ATAD5: variants seen among roughly 807,000 people sequenced by gnomAD.
ATAD5 encodes the protein ATPase family AAA domain containing 5.
Under a neutral mutation model 176.9 loss-of-function variants are expected in ATAD5, and 58 were observed. The ratio of observed to expected loss-of-function variants is 0.33; its 90% confidence interval spans 0.27 to 0.41. The LOEUF is 0.41. Among genes scored for constraint, ATAD5 ranks in the 10% least tolerant of loss-of-function variants. ATAD5 has a pLI of 1.00. For synonymous variants in ATAD5, 640 were observed against 712.6 expected, an observed-to-expected ratio of 0.90 and a Z score of 1.62; for missense variants, 1,789 against 2,094.1, an observed-to-expected ratio of 0.85 and a Z score of 2.84.
intron 18 of ATAD5, among the ~76,000 whole-genome samples, chr17:30,881,466 A>AT (rs903441533): frequency 6.6e-5 from 10 of 151,730 alleles, no homozygotes; most frequent in Non-Finnish European, 1.0e-4. Context: ...CGCCTGGCTT[A>AT]TTTTTTTTGT....
chr17:30,866,082 CCTT>C (rs1354155964), intron 11 of ATAD5, among the ~76,000 whole-genome samples: 1 of 151,478 alleles, frequency 6.6e-6, no homozygotes, highest in African/African-American at 2.4e-5. Context: ...GGTCCCCAGT[CCTT>C]CATCTTCAAT....
chr17:30,889,735 G>A (rs901885386), intron 19 of ATAD5, among the ~76,000 whole-genome samples: 19 of 151,582 alleles, frequency 1.3e-4, no homozygotes, highest in African/African-American at 2.7e-4. Flanking sequence ...CCATAGTCAC[G>A]GTTTTGTAGT....
intron 18 of ATAD5, among the ~76,000 whole-genome samples, chr17:30,882,099 A>G (rs1282822177): frequency 1.3e-5 from 2 of 152,032 alleles, no homozygotes; most frequent in Non-Finnish European, 2.9e-5. Flanking sequence ...TCTACTAAAA[A>G]TACAAAATTA....
At position 30,855,751 on chromosome 17, in the gene ATAD5, C is replaced by T. The variant is rs557124677; in HGVS notation, c.2635+424C>T. On this transcript the variant is annotated intron_variant, in intron 7 of 22. Transcript: ENST00000321990. ...GTGTATGCCTGTAGTCCCAGCTACT[C>T]GGGAGGCTGAGGTGGGAGGATCACT... Among the ~76,000 whole-genome samples the T allele has an allele frequency of 5.1e-4, 77 of 151,642 alleles. 1 individual carries two copies. The highest frequency in any genetic ancestry group is 1.7e-3 in the African/African-American group (70 of 41,308).
At chr17:30,877,298 C>T (rs1186242509) in intron 15 of ATAD5, 118 bp from the exon 16 acceptor site, 32 of 711,816 alleles carry the variant, frequency 4.5e-5, no homozygotes, top group Middle Eastern at 4.1e-4. Context: ...CATGAGCCAC[C>T]GCGCCCGTCC....
At chr17:30,882,900 C>T (rs1256199983) in intron 18 of ATAD5, among the ~76,000 whole-genome samples, 2 of 152,060 alleles carry the variant, frequency 1.3e-5, no homozygotes, top group East Asian at 3.9e-4. Flanking sequence ...GGAGTGACTG[C>T]TGATTGGTCT....
intron 3 of ATAD5, among the ~76,000 whole-genome samples, chr17:30,840,096 G>A (rs1049459594): frequency 3.8e-4 from 57 of 151,570 alleles, no homozygotes; most frequent in Admixed American, 1.5e-3. Flanking sequence ...TACTTGGGAG[G>A]CTGAGGCAGG....
In ATAD5 at chr17:30,860,451, G is replaced by C; in HGVS notation, c.2975G>C (p.Ser992Thr). 6.3e-7 allele frequency: 1 copy of C among 1,593,760 alleles called. No individual in the cohort carries two copies. ...HSKQELEADV[S>T]HKETKRKLVE... ...AAAGCAGAACTGGAGGCTGATGTCA[G>C]CCATAAAGAAACCAAAAGGAAACTC... The change falls in exon 10 of 23, where the codon AGC becomes ACC. Residue 992 changes from serine (S) to threonine (T), a missense_variant. Around this residue, in one of 6 missense-constraint regions of ATAD5, gnomAD observed 487 missense variants for 573.6 expected, o/e 0.85. Transcript: ENST00000321990.
At chr17:30,878,204 A>G in intron 17 of ATAD5, 108 bp downstream of exon 17, 1 of 761,064 alleles carries the variant, frequency 1.3e-6, no homozygotes, top group Non-Finnish European at 2.2e-6. Context: ...CTTTTTTAAA[A>G]TTGATACTAC....
chr17:30,874,165 AG>A lies in ATAD5; in HGVS notation c.3608-2208del, dbSNP rs1482461667. Among the ~76,000 whole-genome samples the A allele has an allele frequency of 1.1e-4, 16 of 151,578 alleles. No homozygotes were observed. In the South Asian group the frequency reaches 1.7e-3, roughly 16 times the overall value. Reference sequence around the variant, plus strand: ...GGGCGACAGTGTGAGACTCCGTCTCAGAAAAAATAAATAAATAAAACCAGTC... The same window carrying A: ...GGGCGACAGTGTGAGACTCCGTCTCAAAAAAATAAATAAATAAAACCAGTC... On this transcript the variant is annotated intron_variant, in intron 14 of 22. Coordinates refer to ENST00000321990, the MANE Select transcript of ATAD5 (RefSeq NM_024857.5).
At chr17:30,874,983 C>T (rs1198002658) in intron 14 of ATAD5, among the ~76,000 whole-genome samples, 1 of 151,920 alleles carries the variant, frequency 6.6e-6, no homozygotes, top group Non-Finnish European at 1.5e-5. Flanking sequence ...TTGAAATGTT[C>T]TATATTTTTG....
intron 6 of ATAD5, among the ~76,000 whole-genome samples, chr17:30,846,691 G>A (rs894480582): frequency 5.3e-5 from 8 of 151,196 alleles, no homozygotes; most frequent in Non-Finnish European, 8.8e-5. Context: ...GTGAGCCACC[G>A]TGTCCAGCCA....
intron 10 of ATAD5, among the ~76,000 whole-genome samples, chr17:30,863,580 A>T (rs950538528): frequency 4.2e-5 from 6 of 141,446 alleles, no homozygotes; most frequent in Non-Finnish European, 9.1e-5. Context: ...GTTAGCCAGG[A>T]TGGTCTTGAT....
At position 30,887,432 on chromosome 17, in the gene ATAD5, T is replaced by C. The variant is rs1414276403; in HGVS notation, c.4258+60T>C. 11 of 1,431,692 alleles carry C rather than the reference T, an allele frequency of 7.7e-6. No individual in the cohort carries two copies. In the Admixed American group the frequency reaches 2.3e-4, roughly 30 times the overall value. 88.7% of individuals were successfully genotyped at this position (1,431,692 alleles called of 1,614,324 possible). A position where few individuals can be genotyped will look rare whatever the true frequency, so the allele number is the denominator to read the frequency against. Reference sequence around the variant, plus strand: ...TGGGACCCTATTTAAAAATCTGTGCTATGGCTGGGTGCAGTGGCTCATGCC... The same window carrying C: ...TGGGACCCTATTTAAAAATCTGTGCCATGGCTGGGTGCAGTGGCTCATGCC... On this transcript the variant is annotated intron_variant, in intron 19 of 22. Coordinates refer to ENST00000321990, the MANE Select transcript of ATAD5 (RefSeq NM_024857.5).
chr17:30,894,561 C>T lies in ATAD5; in HGVS notation c.5298-3C>T. 1 of 1,592,994 alleles carries T rather than the reference C, an allele frequency of 6.3e-7. No homozygotes were observed. Among genetic ancestry groups the T allele is most frequent in the South Asian group, 1.1e-5 (1 of 87,802 alleles). The stretch of plus-strand genomic sequence containing the variant: ...AATTAAAAACAATGCATTACTTTTA[C>T]AGCAATGCTTGGAAGAGGATATCAG... On this transcript the variant is annotated splice_region_variant and splice_polypyrimidine_tract_variant and intron_variant, in intron 21 of 22. Transcript: ENST00000321990.
At position 30,888,342 on chromosome 17, in the gene ATAD5, A is replaced by G. The variant is rs866733343; in HGVS notation, c.4258+970A>G. On this transcript the variant is annotated intron_variant, in intron 19 of 22. Transcript: ENST00000321990. The stretch of plus-strand genomic sequence containing the variant: ...CAAGGGGCATGGATTCCTTGAGCTC[A>G]GGAGTTTGAGACCAGCCTGGGCAAC... Among the ~76,000 whole-genome samples the G allele has an allele frequency of 3.3e-5, 5 of 152,124 alleles. No homozygotes were observed. The South Asian group carries it at 1.0e-3, about 32-fold the overall frequency.
At chr17:30,874,087 C>T (rs1166851204) in intron 14 of ATAD5, among the ~76,000 whole-genome samples, 2 of 151,922 alleles carry the variant, frequency 1.3e-5, no homozygotes, top group East Asian at 3.9e-4. Flanking sequence ...ATTGCTTGAA[C>T]TTGGGAGGTG....
In ATAD5 at chr17:30,857,107, G is replaced by T; in HGVS notation, c.2788G>T (p.Ala930Ser). The T allele has an allele frequency of 6.2e-7, 1 of 1,609,758 alleles. No individual in the cohort carries two copies. Among genetic ancestry groups the T allele is most frequent in the Non-Finnish European group, 8.5e-7 (1 of 1,179,130 alleles). Residue 930 changes from alanine to serine, a missense_variant, in exon 8 of 23, where the codon GCT (alanine) becomes TCT (serine). Around this residue, in one of 6 missense-constraint regions of ATAD5, gnomAD observed 487 missense variants for 573.6 expected, o/e 0.85. Transcript: ENST00000321990. The stretch of plus-strand genomic sequence containing the variant: ...AAAGTTGAAAAGCGGTAACTCTGCT[G>T]CTGTGGTAAGTATTAAATAGTTCAT... ...NSKLKSGNSA[A>S]VFMRTRKEFT...
chr17:30,850,851 ATATATATATATATATAT>A, intron 6 of ATAD5, among the ~76,000 whole-genome samples: 1 of 47,878 alleles, frequency 2.1e-5, no homozygotes, highest in Admixed American at 2.5e-4. Context: ...ATATATATAT[ATATATATATATATATAT>A]ATTTTTTTTT....
Sources: allele counts gnomAD v4.1 joint callset (sites outside exome capture counted in the v4.1 genomes callset), GRCh38; gene constraint gnomAD v4.1.1; regional missense constraint gnomAD v4.1.1; transcripts MANE v1.5; gene names NCBI Gene and HGNC (gene_info 2026-07-23, HGNC 2026-07-21).